ANO6: variants seen among roughly 807,000 people sequenced by gnomAD.
ANO6 encodes the protein anoctamin 6, also known as anoctamin-6.
A neutral mutation model predicts 117.5 loss-of-function variants in ANO6; 106 were observed. The ratio of observed to expected loss-of-function variants is 0.90; its 90% CI spans 0.77 to 1.06. ANO6 has a LOEUF of 1.06. Ranked by LOEUF, ANO6 falls within the 50% of genes least tolerant of loss-of-function variation. ANO6 has a pLI of 0.00. For synonymous variants in ANO6, 367 were observed against 385.1 expected (o/e 0.95, Z 0.55); for missense variants, 955 against 1,121.1 (o/e 0.85, Z 2.12).
intron 1 of ANO6, among the ~76,000 whole-genome samples, chr12:45,293,976 A>T (rs1045992570): frequency 1.3e-5 from 2 of 152,098 alleles, no homozygotes; most frequent in Non-Finnish European, 2.9e-5. Flanking sequence ...AATTAGTGCT[A>T]TAGGAGCATG....
chr12:45,386,087 C>T lies in ANO6; in HGVS notation c.1166-2074C>T, dbSNP rs528128282. On this transcript the variant is annotated intron_variant, in intron 10 of 19. Transcript: ENST00000320560. ...CAAAACAAAACAAAAACAAACAAAACAACTATGCTCAGGCCCCATTCCAGA... is the reference window on the plus strand; with the variant it reads ...CAAAACAAAACAAAAACAAACAAAATAACTATGCTCAGGCCCCATTCCAGA... 1.1e-4 allele frequency among the ~76,000 whole-genome samples: 17 copies of T among 152,280 alleles called. No individual in the cohort carries two copies. In the South Asian group the frequency reaches 3.5e-3, roughly 32 times the overall value.
intron 1 of ANO6, among the ~76,000 whole-genome samples, chr12:45,297,593 A>G (rs147819983): frequency 7.2e-5 from 11 of 152,326 alleles, no homozygotes; most frequent in East Asian, 1.9e-4. Context: ...TTGCATTATT[A>G]ATATGACTGG....
chr12:45,262,590 A>G (rs1938076863), intron 1 of ANO6, among the ~76,000 whole-genome samples: 3 of 151,886 alleles, frequency 2.0e-5, no homozygotes, highest in Admixed American at 1.3e-4. Flanking sequence ...ACACCTGGCT[A>G]ATTTTGTATT....
chr12:45,253,090 G>C (rs1269819433), intron 1 of ANO6, among the ~76,000 whole-genome samples: 1 of 152,164 alleles, frequency 6.6e-6, no homozygotes, highest in African/African-American at 2.4e-5. Context: ...TTTTTAAACT[G>C]TCCCCCCTTG....
intron 2 of ANO6, among the ~76,000 whole-genome samples, chr12:45,303,537 G>A (rs1019000299): frequency 5.3e-5 from 8 of 152,144 alleles, no homozygotes; most frequent in Non-Finnish European, 1.2e-4. Flanking sequence ...TACATAGTTC[G>A]CACCAATTCC....
intron 9 of ANO6, among the ~76,000 whole-genome samples, chr12:45,376,708 G>A (rs1424207517): frequency 2.7e-5 from 4 of 146,124 alleles, no homozygotes; most frequent in Non-Finnish European, 4.5e-5. Flanking sequence ...GTTGTGGGAT[G>A]GGGGGAGGGG....
chr12:45,279,794 A>C (rs895745176), intron 1 of ANO6, among the ~76,000 whole-genome samples: 2 of 152,246 alleles, frequency 1.3e-5, no homozygotes, highest in Admixed American at 1.3e-4. Context: ...AGTTGAGATA[A>C]TTGTATGTAA....
At chr12:45,295,403 A>G (rs1051670357) in intron 1 of ANO6, among the ~76,000 whole-genome samples, 2 of 152,228 alleles carry the variant, frequency 1.3e-5, no homozygotes, top group Non-Finnish European at 2.9e-5. Flanking sequence ...TATGACTACC[A>G]GAGAATGATG....
chr12:45,397,168 G>A (rs1447461761), intron 12 of ANO6, among the ~76,000 whole-genome samples: 1 of 152,158 alleles, frequency 6.6e-6, no homozygotes, highest in African/African-American at 2.4e-5. Context: ...CCATCAAAAA[G>A]TGGGCAAAGC....
chr12:45,401,996 G>C lies in ANO6; in HGVS notation c.1588G>C (p.Val530Leu), dbSNP rs1263816062. 3 of 1,613,750 alleles carry C rather than the reference G, an allele frequency of 1.9e-6. No homozygotes were observed. The African/African-American group carries it at 4.0e-5, about 22-fold the overall frequency. ...GATTCTGAACACCATATATGAAAAA[G>C]TGGCAATTATGATTACTAACTTCGG... ...IMILNTIYEK[V>L]AIMITNFELP... Residue 530 changes from valine (V) to leucine (L), a missense_variant, in exon 13 of 20, where the codon GTG becomes CTG. Val to Leu is a conservative substitution (Grantham distance 32). Coordinates refer to ENST00000320560, the MANE Select transcript of ANO6 (RefSeq NM_001025356.3).
chr12:45,323,951 T>G (rs1254409424), intron 2 of ANO6, among the ~76,000 whole-genome samples: 2 of 149,818 alleles, frequency 1.3e-5, no homozygotes, highest in African/African-American at 4.9e-5. Context: ...TTTTTTTTTT[T>G]TTTGAGACAG....
rs1035954059 is a variant in ANO6, at chr12:45,274,589, A to G, written c.71-27425A>G. On this transcript the variant is annotated intron_variant, in intron 1 of 19. Transcript: ENST00000320560. ...CATGCACCTCTTGGTCTGAGTTCAT[A>G]GAACAGTCACAGTGATCCTTCTCTT... is the stretch of plus-strand genomic sequence containing the variant. Among the ~76,000 whole-genome samples the G allele has an allele frequency of 3.9e-5, 6 of 152,100 alleles. No individual in the cohort carries two copies. In the South Asian group the frequency reaches 1.0e-3, roughly 26 times the overall value.
At chr12:45,236,688 T>C (rs1947650480) in intron 1 of ANO6, among the ~76,000 whole-genome samples, 1 of 152,266 alleles carries the variant, frequency 6.6e-6, no homozygotes, top group South Asian at 2.1e-4. Context: ...GCAATAAACA[T>C]ACGTGTGCAT....
intron 2 of ANO6, among the ~76,000 whole-genome samples, chr12:45,305,691 G>A (rs1939644849): frequency 6.6e-6 from 1 of 152,094 alleles, no homozygotes; most frequent in African/African-American, 2.4e-5. Context: ...TAAAAGTAGA[G>A]ACTTCAGAAA....
intron 17 of ANO6, among the ~76,000 whole-genome samples, chr12:45,419,568 T>C (rs945435092): frequency 1.3e-5 from 2 of 152,188 alleles, no homozygotes; most frequent in Admixed American, 6.5e-5. Flanking sequence ...CCCCTAATTG[T>C]TTTTTCTTGC....
At chr12:45,229,778 C>T (rs1011559431) in intron 1 of ANO6, among the ~76,000 whole-genome samples, 1 of 152,114 alleles carries the variant, frequency 6.6e-6, no homozygotes, top group African/African-American at 2.4e-5. Context: ...CCTGCCACTA[C>T]TTAAGCTTTG....
At chr12:45,426,130 A>G (rs1943495556) in intron 19 of ANO6, among the ~76,000 whole-genome samples, 1 of 152,220 alleles carries the variant, frequency 6.6e-6, no homozygotes, top group Non-Finnish European at 1.5e-5. Context: ...ATCATGTTGT[A>G]TACCTTTACG....
At chr12:45,394,026 C>T (rs1565746141) in intron 12 of ANO6, among the ~76,000 whole-genome samples, 1 of 152,104 alleles carries the variant, frequency 6.6e-6, no homozygotes, top group Non-Finnish European at 1.5e-5. Context: ...GGGCTAAATG[C>T]CCCAATTAAA....
intron 1 of ANO6, among the ~76,000 whole-genome samples, chr12:45,257,049 A>G (rs1937859214): frequency 6.6e-6 from 1 of 152,178 alleles, no homozygotes; most frequent in Non-Finnish European, 1.5e-5. Context: ...TTTGAATTAA[A>G]AAAAAAAATC....
Sources: gnomAD v4.1 joint callset for allele counts (sites outside exome capture counted in the v4.1 genomes callset) on GRCh38, gnomAD v4.1.1 for gene constraint, MANE v1.5 for transcripts, NCBI Gene and HGNC (gene_info 2026-07-23, HGNC 2026-07-21) for gene names.